NRG1: variants seen among roughly 807,000 people sequenced by gnomAD.
NRG1 encodes the protein neuregulin 1, also known as pro-neuregulin-1, membrane-bound isoform.
A neutral mutation model predicts 63.8 loss-of-function variants in NRG1; 18 were observed. The ratio of observed to expected loss-of-function variants is 0.28; its 90% confidence interval spans 0.19 to 0.42. The LOEUF (loss-of-function observed/expected upper bound fraction) is 0.42, where lower values mean the gene tolerates loss of function less well. Ranked by LOEUF, NRG1 falls within the 10% of genes least tolerant of loss-of-function variation. The probability of loss-of-function intolerance (pLI) is 1.00; values close to 1 mark genes in which losing one functional copy is unlikely to be tolerated. For missense variants in NRG1, 762 were observed against 814.7 expected (o/e 0.94, Z 0.79); for synonymous variants, 302 against 301.3 (o/e 1.00, Z -0.02).
At chr8:32,419,019 A>G (rs576707639) in intron 1 of NRG1, among the ~76,000 whole-genome samples, 1 of 152,242 alleles carries the variant, frequency 6.6e-6, no homozygotes, top group Non-Finnish European at 1.5e-5. Context: ...GGAAATCATC[A>G]TGGAAAATAG....
At chr8:32,024,140 T>C (rs1432202230) in intron 1 of NRG1, among the ~76,000 whole-genome samples, 2 of 152,194 alleles carry the variant, frequency 1.3e-5, no homozygotes, top group African/African-American at 4.8e-5. Context: ...TCCTGTTACA[T>C]TCTGTGATCC....
chr8:32,566,272 G>C lies in NRG1; in HGVS notation c.100+17446G>C, dbSNP rs1183887734. Among the ~76,000 whole-genome samples the C allele has an allele frequency of 2.0e-5, 3 of 149,578 alleles. No individual in the cohort carries two copies. In the Admixed American group the frequency reaches 2.0e-4, roughly 10 times the overall value. ...CTTGGGAGGCTGAGGCAAGAGAATT[G>C]CTTGAACCTGGGAGGGGGAGGTTGC... On this transcript the variant is annotated intron_variant, in intron 1 of 11. Coordinates refer to ENST00000356819, the Ensembl canonical transcript of NRG1.
In NRG1 at chr8:32,391,946, G is replaced by A. The variant is rs368543050; in HGVS notation, c.38-203882G>A. Among the ~76,000 whole-genome samples the A allele has an allele frequency of 6.5e-4, 99 of 152,290 alleles. No homozygotes were observed. In the Middle Eastern group the frequency reaches 0.02, roughly 31 times the overall value. The stretch of plus-strand genomic sequence containing the variant: ...AATGTGAACAGAATTTGTGGATGTT[G>A]AGACAGATTCACAGATCCTTAGGAA... On this transcript the variant is annotated intron_variant, in intron 1 of 10. Coordinates refer to the NRG1 transcript ENST00000519301.
chr8:31,927,173 T>C (rs1006895482), intron 1 of NRG1, among the ~76,000 whole-genome samples: 2 of 152,146 alleles, frequency 1.3e-5, no homozygotes, highest in Non-Finnish European at 1.5e-5. Context: ...AGGGGAGTCA[T>C]GTAGCTTACC....
intron 7 of NRG1, among the ~76,000 whole-genome samples, chr8:32,752,167 T>C (rs1432699069): frequency 1.3e-5 from 2 of 152,162 alleles, no homozygotes; most frequent in Admixed American, 6.5e-5. Context: ...CCCAGGGAGC[T>C]GTGCTCTGCA....
At chr8:31,790,636 T>C (rs1175933892) in intron 1 of NRG1, among the ~76,000 whole-genome samples, 12 of 152,186 alleles carry the variant, frequency 7.9e-5, no homozygotes, top group Non-Finnish European at 1.5e-4. Context: ...AATGATGATG[T>C]TTTATGATTT....
intron 1 of NRG1, among the ~76,000 whole-genome samples, chr8:31,853,295 G>T (rs1389084965): frequency 6.6e-6 from 1 of 151,084 alleles, no homozygotes; most frequent in Admixed American, 6.6e-5. Context: ...CTTGAGCAGT[G>T]GTTTGTAGTT....
At chr8:31,900,138 A>G (rs1831950056) in intron 1 of NRG1, among the ~76,000 whole-genome samples, 1 of 152,208 alleles carries the variant, frequency 6.6e-6, no homozygotes, top group Non-Finnish European at 1.5e-5. Context: ...AGAATAAGAG[A>G]ATAATGTTGT....
At chr8:32,525,391 G>T (rs866345028) in intron 1 of NRG1, among the ~76,000 whole-genome samples, 4 of 145,794 alleles carry the variant, frequency 2.7e-5, no homozygotes, top group African/African-American at 1.0e-4. Context: ...ATGAGGTAGG[G>T]GTGTGTGTGT....
chr8:32,568,211 T>C (rs1837831997), intron 1 of NRG1, among the ~76,000 whole-genome samples: 1 of 152,216 alleles, frequency 6.6e-6, no homozygotes. Context: ...TGCTCCTACA[T>C]GTCTAAAATA....
intron 1 of NRG1, among the ~76,000 whole-genome samples, chr8:31,846,742 A>C (rs936226442): frequency 3.3e-5 from 5 of 152,214 alleles, no homozygotes; most frequent in African/African-American, 1.2e-4. Flanking sequence ...CTCTCCTTAA[A>C]AGAAAGAACT....
At chr8:31,653,878 A>G (rs1805153273) in intron 1 of NRG1, among the ~76,000 whole-genome samples, 1 of 151,872 alleles carries the variant, frequency 6.6e-6, no homozygotes, top group Admixed American at 6.6e-5. Context: ...GTGTTTCACA[A>G]ATCATTTTGA....
intron 1 of NRG1, among the ~76,000 whole-genome samples, chr8:32,494,229 G>A (rs184489360): frequency 1.5e-3 from 225 of 152,176 alleles, no homozygotes; most frequent in Non-Finnish European, 2.6e-3. Flanking sequence ...AGTAATACAT[G>A]TTTATTGTAG....
At chr8:31,898,012 T>A (rs776377) in intron 1 of NRG1, among the ~76,000 whole-genome samples, 3 of 132,440 alleles carry the variant, frequency 2.3e-5, no homozygotes, top group Non-Finnish European at 4.9e-5. Flanking sequence ...AGTGAAATTC[T>A]ATCTCAAAAA....
chr8:31,772,161 T>C (rs989636689), intron 1 of NRG1, among the ~76,000 whole-genome samples: 5 of 152,204 alleles, frequency 3.3e-5, no homozygotes, highest in Admixed American at 3.3e-4. Context: ...CTCTTCCACA[T>C]TGGGAAAAAC....
intron 1 of NRG1, among the ~76,000 whole-genome samples, chr8:32,584,834 C>T (rs1435081558): frequency 6.6e-6 from 1 of 152,258 alleles, no homozygotes; most frequent in African/African-American, 2.4e-5. Flanking sequence ...ATATGCACTG[C>T]TTAAAAGTTT....
intron 5 of NRG1, among the ~76,000 whole-genome samples, chr8:32,701,637 T>A (rs1313509246): frequency 3.3e-5 from 5 of 152,228 alleles, no homozygotes; most frequent in Non-Finnish European, 7.3e-5. Context: ...AGCTGTCAAC[T>A]AAAGTGAATG....
intron 1 of NRG1, among the ~76,000 whole-genome samples, chr8:32,044,783 C>T (rs940100265): frequency 5.3e-5 from 8 of 150,794 alleles, no homozygotes; most frequent in Non-Finnish European, 7.4e-5. Flanking sequence ...TACAGCATAT[C>T]AAATTTGTGG....
chr8:32,312,416 C>A (rs983731115), intron 1 of NRG1, among the ~76,000 whole-genome samples: 12 of 145,316 alleles, frequency 8.3e-5, no homozygotes, highest in Non-Finnish European at 1.5e-4. Context: ...CTCAAGTGCT[C>A]CACCTGCCTC....
Sources: gnomAD v4.1 joint callset for allele counts (sites outside exome capture counted in the v4.1 genomes callset) on GRCh38, gnomAD v4.1.1 for gene constraint, MANE v1.5 for transcripts, NCBI Gene and HGNC (gene_info 2026-07-23, HGNC 2026-07-21) for gene names.